MICAL3: variants seen among roughly 807,000 people sequenced by gnomAD.
MICAL3 encodes microtubule associated monooxygenase, calponin and LIM domain containing 3, also known as [F-actin]-monooxygenase MICAL3.
Under a neutral mutation model 207.4 loss-of-function variants are expected in MICAL3, and 62 were observed. The observed-to-expected ratio is 0.30, with a 90% confidence interval of 0.24 to 0.37. The LOEUF is 0.37. Ranked by LOEUF, MICAL3 falls within the 10% of genes least tolerant of loss-of-function variation. The probability of loss-of-function intolerance (pLI) is 1.00; values close to 1 mark genes in which losing one functional copy is unlikely to be tolerated. For synonymous variants in MICAL3, 1,077 were observed against 1,069.3 expected (o/e 1.01, Z -0.14); for missense variants, 2,368 against 2,635.6 (o/e 0.90, Z 2.22).
intron 1 of MICAL3, among the ~76,000 whole-genome samples, chr22:17,959,465 C>T (rs1934795427): frequency 6.6e-6 from 1 of 152,116 alleles, no homozygotes; most frequent in Non-Finnish European, 1.5e-5. Flanking sequence ...CAGGCACCTG[C>T]CACCAGGCCC....
At chr22:17,874,783 C>T (rs61377180) in intron 16 of MICAL3, among the ~76,000 whole-genome samples, 33,858 of 152,066 alleles carry the variant, frequency 0.22, 3,978 homozygotes, top group East Asian at 0.29. Context: ...GTAGGAGCGG[C>T]AAAGAGACCT....
At chr22:17,887,469 C>T (rs769819333) in intron 13 of MICAL3, 34 bp from the exon 14 acceptor site, 12 of 1,494,180 alleles carry the variant, frequency 8.0e-6, no homozygotes, top group Admixed American at 3.5e-5. Context: ...TCAAGCACAG[C>T]CCTTGAGGGC....
chr22:17,790,668 GTGGTTTGGATGCCACTGCC>G lies in MICAL3; in HGVS notation c.*45_*63del, dbSNP rs562557360. On this transcript the variant is annotated 3_prime_UTR_variant, in exon 32 of 32. Transcript: ENST00000441493. ...AGGCCTCCTCAGATCGCGGCTCCGG[GTGGTTTGGATGCCACTGCC>G]TGGCCAGGCGGATGCCAACAGAAAA... is the stretch of plus-strand genomic sequence containing the variant. 3,139 of 1,462,452 alleles carry G rather than the reference GTGGTTTGGATGCCACTGCC, an allele frequency of 2.1e-3. 4 individuals are homozygous for G. The highest frequency in any genetic ancestry group is 5.2e-3 in the Admixed American group (245 of 46,866). 90.6% of individuals were successfully genotyped at this position (1,462,452 alleles called of 1,614,324 possible). A position where few individuals can be genotyped will look rare whatever the true frequency, so the allele number is the denominator to read the frequency against.
At chr22:17,858,721 A>G (rs1298380962) in intron 19 of MICAL3, among the ~76,000 whole-genome samples, 1 of 152,230 alleles carries the variant, frequency 6.6e-6, no homozygotes, top group East Asian at 1.9e-4. Flanking sequence ...AAGAAGTTTC[A>G]GAAGGAAACT....
chr22:17,821,894 A>G, intron 24 of MICAL3, 136 bp downstream of exon 24: 1 of 1,142,794 alleles, frequency 8.8e-7, no homozygotes, highest in Admixed American at 2.2e-5. Context: ...GGAAAAGGCA[A>G]GGAGCTGCCC....
At chr22:17,877,247 GGTTAGGGAGGTTAGGGAA>G (rs1928740936) in intron 16 of MICAL3, among the ~76,000 whole-genome samples, 5 of 93,746 alleles carry the variant, frequency 5.3e-5, no homozygotes, top group Non-Finnish European at 6.2e-5. Context: ...AGGTTAGGGA[GGTTAGGGAGGTTAGGGAA>G]GTTATGGAGG....
rs114661684 is a variant in MICAL3, at chr22:17,942,701, C to T, written c.-74-35815G>A. Among the ~76,000 whole-genome samples, 1,304 of 152,318 alleles carry T rather than the reference C, an allele frequency of 8.6e-3. 19 individuals carry two copies. The highest frequency in any genetic ancestry group is 0.029 in the African/African-American group (1,220 of 41,584). ...ACACTAGGCTTCCAGAGTGTCTGAACAGCTATAGATGACAAGCACCTAGAG... is the reference window on the plus strand; with the variant it reads ...ACACTAGGCTTCCAGAGTGTCTGAATAGCTATAGATGACAAGCACCTAGAG... On this transcript the variant is annotated intron_variant, in intron 1 of 31. Transcript: ENST00000441493.
At chr22:17,911,647 A>G (rs1932150609) in intron 1 of MICAL3, among the ~76,000 whole-genome samples, 2 of 152,250 alleles carry the variant, frequency 1.3e-5, no homozygotes, top group South Asian at 4.2e-4. Context: ...AGCCTGGGCA[A>G]GACGGTGAGA....
At chr22:17,791,392 G>A (rs370798553) in intron 29 of MICAL3, 91 bp from the exon 30 acceptor site, 23 of 1,117,828 alleles carry the variant, frequency 2.1e-5, no homozygotes, top group African/African-American at 9.3e-5. Flanking sequence ...AAAGAGGGCC[G>A]AGCAAGATGC....
In MICAL3 at chr22:17,824,193, C is replaced by T. The variant is rs1601977145; in HGVS notation, c.3194-1133G>A. On this transcript the variant is annotated intron_variant, in intron 22 of 31. Transcript: ENST00000441493. ...CCCGCACCACCTGAGACCCACAGGA[C>T]CACTGGCCGGGGGCCTGCGGGCTCT... 2.0e-5 allele frequency among the ~76,000 whole-genome samples: 3 copies of T among 152,218 alleles called. No individual in the cohort carries two copies. The South Asian group carries it at 6.2e-4, about 31-fold the overall frequency.
At chr22:17,816,085 A>G (rs1920987864) in intron 27 of MICAL3, among the ~76,000 whole-genome samples, 1 of 152,188 alleles carries the variant, frequency 6.6e-6, no homozygotes, top group East Asian at 1.9e-4. Flanking sequence ...CCCACCCTGT[A>G]TGCTGACAGG....
At chr22:17,939,268 T>A (rs1014788578) in intron 1 of MICAL3, among the ~76,000 whole-genome samples, 1 of 152,266 alleles carries the variant, frequency 6.6e-6, no homozygotes, top group East Asian at 1.9e-4. Context: ...TAAGAACAAA[T>A]TTCACTTCTT....
intron 21 of MICAL3, among the ~76,000 whole-genome samples, chr22:17,830,490 G>C (rs1309450259): frequency 1.3e-5 from 2 of 152,236 alleles, no homozygotes; most frequent in African/African-American, 4.8e-5. Context: ...GCTGTGCCAG[G>C]GCTCAAAGCT....
chr22:17,968,338 G>A (rs1304006472), intron 1 of MICAL3, among the ~76,000 whole-genome samples: 1 of 152,110 alleles, frequency 6.6e-6, no homozygotes, highest in Non-Finnish European at 1.5e-5. Context: ...CTACTGAGGG[G>A]ACACTCACAG....
chr22:17,811,093 G>A lies in MICAL3; in HGVS notation c.5446-280C>T, dbSNP rs1443185347. On this transcript the variant is annotated intron_variant, in intron 27 of 31. Coordinates refer to ENST00000441493, the MANE Select transcript of MICAL3 (RefSeq NM_015241.3). ...TGAGACATTTCCCCACCTCTGCACA[G>A]GGACAGGAGGCTGAGTGGGGACCGA... 10 of 358,692 alleles carry A rather than the reference G, an allele frequency of 2.8e-5. No individual in the cohort carries two copies. The Admixed American group carries it at 3.7e-4, about 13-fold the overall frequency. 22.2% of individuals were successfully genotyped at this position (358,692 alleles called of 1,614,324 possible).
At chr22:17,955,863 C>G (rs747113721) in intron 1 of MICAL3, among the ~76,000 whole-genome samples, 3 of 152,200 alleles carry the variant, frequency 2.0e-5, no homozygotes, top group Non-Finnish European at 4.4e-5. Context: ...GGGAAAAGAT[C>G]TGAGAGATCT....
At chr22:17,849,682 GTGTGTA>G (rs1925062505) in intron 19 of MICAL3, among the ~76,000 whole-genome samples, 1 of 114,516 alleles carries the variant, frequency 8.7e-6, no homozygotes, top group African/African-American at 3.6e-5. Context: ...GTGTGTGTGT[GTGTGTA>G]TTTTTTTTTT....
intron 29 of MICAL3, among the ~76,000 whole-genome samples, chr22:17,801,691 G>T (rs2061941656): frequency 1.3e-5 from 2 of 151,528 alleles, no homozygotes; most frequent in South Asian, 4.2e-4. Flanking sequence ...GTCAGGAGTT[G>T]GAGACCAGCC....
intron 1 of MICAL3, among the ~76,000 whole-genome samples, chr22:18,001,963 C>G (rs991299655): frequency 1.0e-4 from 15 of 150,588 alleles, no homozygotes; most frequent in Admixed American, 3.3e-4. Context: ...TTTGGGGAGC[C>G]GAGGCATGCG....
Sources: allele counts gnomAD v4.1 joint callset (sites outside exome capture counted in the v4.1 genomes callset), GRCh38; gene constraint gnomAD v4.1.1; transcripts MANE v1.5; gene names NCBI Gene and HGNC (gene_info 2026-07-23, HGNC 2026-07-21).